Variants in ADAMTSL1 observed in about 807,000 individuals in gnomAD.
ADAMTSL1 encodes ADAMTS-like protein 1.
ADAMTSL1 carries 126 observed loss-of-function variants against 201.8 expected under a neutral mutation model. The ratio of observed to expected loss-of-function variants is 0.62; its 90% confidence interval spans 0.54 to 0.72. The LOEUF is 0.72. ADAMTSL1 is among the 30% of genes least tolerant of loss of function. The pLI, the probability that ADAMTSL1 is intolerant of heterozygous loss-of-function variation, is 0.00. For missense variants in ADAMTSL1, 2,679 were observed against 2,277.8 expected, an observed-to-expected ratio of 1.18 and a Z score of -3.59; for synonymous variants, 1,121 against 903.4, an observed-to-expected ratio of 1.24 and a Z score of -4.32.
At chr9:18,748,481 A>G (rs1256357877) in intron 15 of ADAMTSL1, among the ~76,000 whole-genome samples, 1 of 152,218 alleles carries the variant, frequency 6.6e-6, no homozygotes, top group African/African-American at 2.4e-5. Flanking sequence ...ATGTATAAAT[A>G]TTTACACAAA....
intron 26 of ADAMTSL1, among the ~76,000 whole-genome samples, chr9:18,901,622 T>C (rs1184729897): frequency 6.6e-6 from 1 of 152,160 alleles, no homozygotes; most frequent in African/African-American, 2.4e-5. Flanking sequence ...TGGGATATTA[T>C]ATGTAATCCC....
chr9:18,622,674 C>A (rs887172894), intron 5 of ADAMTSL1: 4 of 522,706 alleles, frequency 7.7e-6, no homozygotes, highest in Non-Finnish European at 1.3e-5. Context: ...AGACTGTATC[C>A]CAGCTCCTGC....
chr9:18,636,922 A>G (rs2132782321), intron 6 of ADAMTSL1, among the ~76,000 whole-genome samples: 1 of 152,238 alleles, frequency 6.6e-6, no homozygotes, highest in African/African-American at 2.4e-5. Context: ...TCCCACACAA[A>G]TGCCTGTGAA....
intron 23 of ADAMTSL1, among the ~76,000 whole-genome samples, chr9:18,856,460 ATTT>A (rs398010404): frequency 5.9e-4 from 66 of 111,974 alleles, no homozygotes; most frequent in Non-Finnish European, 8.8e-4. Flanking sequence ...GATAAGAAGG[ATTT>A]TTTTTTTTTT....
intron 1 of ADAMTSL1, among the ~76,000 whole-genome samples, chr9:18,149,165 G>A (rs1465994485): frequency 1.3e-5 from 2 of 152,002 alleles, no homozygotes; most frequent in East Asian, 1.9e-4. Context: ...AGATGAACCA[G>A]ACCCTTCTTA....
At chr9:18,819,189 C>T (rs2131196715) in intron 21 of ADAMTSL1, among the ~76,000 whole-genome samples, 1 of 152,232 alleles carries the variant, frequency 6.6e-6, no homozygotes, top group Non-Finnish European at 1.5e-5. Flanking sequence ...GGCATGGGGA[C>T]TCACACCTGT....
chr9:18,017,085 C>T (rs961405851), intron 1 of ADAMTSL1, among the ~76,000 whole-genome samples: 22 of 152,010 alleles, frequency 1.4e-4, no homozygotes, highest in African/African-American at 2.4e-4. Context: ...GGGACCCATG[C>T]AATGATTCCA....
intron 15 of ADAMTSL1, among the ~76,000 whole-genome samples, chr9:18,743,808 T>C (rs968988447): frequency 6.6e-6 from 1 of 152,250 alleles, no homozygotes; most frequent in African/African-American, 2.4e-5. Flanking sequence ...GATCTTTTAC[T>C]TTATCTTTTC....
Position 18,622,313 on chromosome 9 carries a change from G to C in ADAMTSL1, c.545G>C (p.Gly182Ala). The C allele has an allele frequency of 6.2e-7, 1 of 1,614,014 alleles. No homozygotes were observed. Among genetic ancestry groups the C allele is most frequent in the Non-Finnish European group, 8.5e-7 (1 of 1,179,944 alleles). ...EDNCGVCNGDGSTCRLVRGQY... is the reference protein window; with the variant it reads ...EDNCGVCNGDASTCRLVRGQY... ...AACTGTGGGGTCTGCAACGGAGATG[G>C]GTCCACCTGCCGGCTGGTCCGAGGG... The change falls in exon 5 of 29, where the codon GGG becomes GCG. Residue 182 changes from glycine to alanine, a missense_variant. Transcript: ENST00000380548.
intron 15 of ADAMTSL1, among the ~76,000 whole-genome samples, chr9:18,745,050 A>G (rs989737353): frequency 8.5e-5 from 13 of 152,340 alleles, no homozygotes; most frequent in African/African-American, 2.9e-4. Flanking sequence ...ATGGCCAGCC[A>G]GGTGTTTCCA....
chr9:18,252,358 T>G (rs1381697619), intron 2 of ADAMTSL1, among the ~76,000 whole-genome samples: 1 of 152,136 alleles, frequency 6.6e-6, no homozygotes, highest in Non-Finnish European at 1.5e-5. Flanking sequence ...AAACTCAAAA[T>G]GAGATACAGT....
intron 1 of ADAMTSL1, among the ~76,000 whole-genome samples, chr9:17,927,436 GTACA>G (rs1307980982): frequency 1.3e-5 from 2 of 151,516 alleles, no homozygotes; most frequent in African/African-American, 4.8e-5. Flanking sequence ...ATACATATAT[GTACA>G]TATATACATA....
intron 2 of ADAMTSL1, among the ~76,000 whole-genome samples, chr9:18,266,833 T>C (rs912275999): frequency 3.9e-5 from 6 of 152,090 alleles, no homozygotes; most frequent in East Asian, 1.9e-4. Flanking sequence ...TCCAGACAGA[T>C]GAAAAAAGAG....
intron 15 of ADAMTSL1, among the ~76,000 whole-genome samples, chr9:18,740,679 G>T (rs1818779273): frequency 6.6e-6 from 1 of 151,862 alleles, no homozygotes; most frequent in African/African-American, 2.4e-5. Context: ...GTTTCACCAT[G>T]TTGGCCAGGC....
intron 5 of ADAMTSL1, among the ~76,000 whole-genome samples, chr9:18,630,008 T>C (rs1428542851): frequency 6.6e-6 from 1 of 152,198 alleles, no homozygotes; most frequent in Non-Finnish European, 1.5e-5. Context: ...TTTCTTTGCG[T>C]GCCTCATTAT....
At chr9:18,179,643 CA>C (rs1178090598) in intron 2 of ADAMTSL1, among the ~76,000 whole-genome samples, 1 of 152,138 alleles carries the variant, frequency 6.6e-6, no homozygotes, top group African/African-American at 2.4e-5. Context: ...GGGTTACCCT[CA>C]AAGGGAAGCC....
chr9:18,583,156 A>G (rs1348579021), intron 4 of ADAMTSL1, among the ~76,000 whole-genome samples: 1 of 152,324 alleles, frequency 6.6e-6, no homozygotes, highest in South Asian at 2.1e-4. Context: ...ATATGGAAGC[A>G]ACTTTGGAAC....
intron 1 of ADAMTSL1, among the ~76,000 whole-genome samples, chr9:18,128,749 C>T (rs915055576): frequency 6.6e-5 from 10 of 151,834 alleles, no homozygotes; most frequent in Admixed American, 2.6e-4. Context: ...TTTTCAATTC[C>T]CATTCCCTCT....
chr9:18,031,499 A>G (rs1301726802), intron 1 of ADAMTSL1, among the ~76,000 whole-genome samples: 1 of 152,074 alleles, frequency 6.6e-6, no homozygotes, highest in Non-Finnish European at 1.5e-5. Context: ...TTGTTTGTTC[A>G]TATAATTCAG....
Sources: gnomAD v4.1 joint callset for allele counts (sites outside exome capture counted in the v4.1 genomes callset) on GRCh38, gnomAD v4.1.1 for gene constraint, MANE v1.5 for transcripts, NCBI Gene and HGNC (gene_info 2026-07-23, HGNC 2026-07-21) for gene names.